HPSE2: variants seen among roughly 807,000 people sequenced by gnomAD.
The protein encoded by HPSE2 is inactive heparanase-2.
Under a neutral mutation model 60.5 loss-of-function variants are expected in HPSE2, and 38 were observed. That is an observed-to-expected ratio of 0.63 (90% CI 0.48 to 0.82). The LOEUF is 0.82. Among genes scored for constraint, HPSE2 ranks in the 40% least tolerant of loss-of-function variants. The probability of loss-of-function intolerance (pLI) is 0.00; values close to 1 mark genes in which losing one functional copy is unlikely to be tolerated. For synonymous variants in HPSE2, 295 were observed against 293.2 expected (o/e 1.01, Z -0.06); for missense variants, 713 against 740.4 (o/e 0.96, Z 0.43).
chr10:98,638,957 A>G (rs1946568927), intron 7 of HPSE2, among the ~76,000 whole-genome samples: 1 of 152,204 alleles, frequency 6.6e-6, no homozygotes, highest in Admixed American at 6.5e-5. Flanking sequence ...ATTTTCCAAA[A>G]ATGACTGCAA....
chr10:98,520,504 C>T (rs1942754075), intron 9 of HPSE2, among the ~76,000 whole-genome samples: 1 of 152,120 alleles, frequency 6.6e-6, no homozygotes. Context: ...GCCCACTAAA[C>T]CCGTGGGGAC....
intron 6 of HPSE2, among the ~76,000 whole-genome samples, chr10:98,656,740 G>A (rs1000978325): frequency 6.6e-6 from 1 of 150,834 alleles, no homozygotes; most frequent in East Asian, 2.0e-4. Context: ...TCTCTCACAA[G>A]AGAATAGAAT....
chr10:98,767,664 TTATG>T (rs1283843511), intron 3 of HPSE2, among the ~76,000 whole-genome samples: 6 of 145,966 alleles, frequency 4.1e-5, no homozygotes, highest in Non-Finnish European at 6.0e-5. Flanking sequence ...AATATATTAT[TTATG>T]TATCTATAAA....
At chr10:98,565,647 G>C (rs1216654502) in intron 9 of HPSE2, among the ~76,000 whole-genome samples, 4 of 152,130 alleles carry the variant, frequency 2.6e-5, no homozygotes, top group Non-Finnish European at 5.9e-5. Context: ...ATGTGTGCAT[G>C]CGTCTTTATA....
At chr10:99,233,560 G>A (rs1283720801) in intron 1 of HPSE2, among the ~76,000 whole-genome samples, 1 of 152,178 alleles carries the variant, frequency 6.6e-6, no homozygotes, top group African/African-American at 2.4e-5. Flanking sequence ...ATCAGCTGTT[G>A]AGTTCCGGGT....
At chr10:98,895,327 A>T (rs531120879) in intron 3 of HPSE2, among the ~76,000 whole-genome samples, 14 of 152,318 alleles carry the variant, frequency 9.2e-5, no homozygotes, top group African/African-American at 3.4e-4. Context: ...CAATCTTTTA[A>T]ATTCATTGCC....
intron 3 of HPSE2, among the ~76,000 whole-genome samples, chr10:98,974,714 T>G (rs1220473511): frequency 6.6e-6 from 1 of 152,212 alleles, no homozygotes; most frequent in Non-Finnish European, 1.5e-5. Context: ...GGCACCAATA[T>G]ATTCATCATA....
chr10:99,134,294 T>C (rs1489166443), intron 3 of HPSE2, among the ~76,000 whole-genome samples: 1 of 152,160 alleles, frequency 6.6e-6, no homozygotes, highest in East Asian at 1.9e-4. Flanking sequence ...TGGAAAACAC[T>C]CTTCGGGATA....
At chr10:98,709,852 G>A (rs1332914210) in intron 5 of HPSE2, among the ~76,000 whole-genome samples, 2 of 151,940 alleles carry the variant, frequency 1.3e-5, no homozygotes, top group Non-Finnish European at 2.9e-5. Context: ...TTCTACTTCT[G>A]GATCACAGAT....
chr10:98,471,992 T>C (rs1383747971), intron 11 of HPSE2, among the ~76,000 whole-genome samples: 1 of 152,126 alleles, frequency 6.6e-6, no homozygotes, highest in Non-Finnish European at 1.5e-5. Context: ...GGTATGTATA[T>C]ACTTATTTAT....
intron 5 of HPSE2, among the ~76,000 whole-genome samples, chr10:98,709,366 C>T (rs1315953515): frequency 6.6e-6 from 1 of 152,148 alleles, no homozygotes; most frequent in African/African-American, 2.4e-5. Context: ...TATGAAGGTA[C>T]AAGTTAATGA....
the HPSE2 span, among the ~76,000 whole-genome samples, chr10:99,310,607 A>C: frequency 6.6e-6 from 1 of 152,128 alleles, no homozygotes; most frequent in African/African-American, 2.4e-5. Context: ...GGAATGATTT[A>C]ATACCCACCC....
intron 3 of HPSE2, among the ~76,000 whole-genome samples, chr10:98,794,512 T>A (rs1565167434): frequency 6.6e-6 from 1 of 152,206 alleles, no homozygotes; most frequent in Non-Finnish European, 1.5e-5. Context: ...CCCGAAGTGT[T>A]GGGCTTACAG....
chr10:99,012,270 T>C (rs766221702), intron 3 of HPSE2, among the ~76,000 whole-genome samples: 38 of 152,120 alleles, frequency 2.5e-4, no homozygotes, highest in Non-Finnish European at 3.2e-4. Context: ...ATAAGAACCA[T>C]TGAAAGTAAT....
At chr10:99,148,666 T>C (rs2135790728) in intron 2 of HPSE2, among the ~76,000 whole-genome samples, 1 of 152,190 alleles carries the variant, frequency 6.6e-6, no homozygotes, top group South Asian at 2.1e-4. Flanking sequence ...GGCGCATGCC[T>C]GTAATCCCAG....
At chr10:98,525,584 G>A (rs1281238613) in intron 9 of HPSE2, among the ~76,000 whole-genome samples, 1 of 152,246 alleles carries the variant, frequency 6.6e-6, no homozygotes, top group Non-Finnish European at 1.5e-5. Flanking sequence ...AGGGAAATGG[G>A]AGGATCTTCC....
chr10:98,946,677 G>A (rs183495597), intron 3 of HPSE2, among the ~76,000 whole-genome samples: 2 of 151,980 alleles, frequency 1.3e-5, no homozygotes, highest in African/African-American at 4.8e-5. Context: ...AAAAAAGTAT[G>A]CACACAAACA....
intron 2 of HPSE2, among the ~76,000 whole-genome samples, chr10:99,170,476 G>T (rs928706222): frequency 3.3e-5 from 5 of 152,090 alleles, no homozygotes; most frequent in African/African-American, 4.8e-5. Flanking sequence ...TGGGTTGGAG[G>T]CTGAACCCAG....
intron 3 of HPSE2, among the ~76,000 whole-genome samples, chr10:98,828,976 T>C (rs949012120): frequency 6.2e-4 from 30 of 48,266 alleles, no homozygotes; most frequent in Non-Finnish European, 1.3e-3. Context: ...GATGAATGAA[T>C]TAAAAAAAAA....
Sources: allele counts gnomAD v4.1 joint callset (sites outside exome capture counted in the v4.1 genomes callset), GRCh38; gene constraint gnomAD v4.1.1; transcripts MANE v1.5; gene names NCBI Gene and HGNC (gene_info 2026-07-23, HGNC 2026-07-21).